The following PRMT8 variants were observed in gnomAD, a reference collection of about 807,000 sequenced individuals.
PRMT8 encodes the protein protein arginine methyltransferase 8.
Under a neutral mutation model 47.1 loss-of-function variants are expected in PRMT8, and 7 were observed. The ratio of observed to expected loss-of-function variants is 0.15; its 90% CI spans 0.08 to 0.28. PRMT8 has a LOEUF of 0.28. PRMT8 is among the 10% of genes least tolerant of loss of function. The probability of loss-of-function intolerance (pLI) is 1.00; values close to 1 mark genes in which losing one functional copy is unlikely to be tolerated. For synonymous variants in PRMT8, 188 were observed against 186.5 expected, an observed-to-expected ratio of 1.01 and a Z score of -0.07; for missense variants, 237 against 505.4, an observed-to-expected ratio of 0.47 and a Z score of 5.09.
chr12:3,490,553 G>A (rs942817241), upstream of PRMT8, among the ~76,000 whole-genome samples: 2 of 150,256 alleles, frequency 1.3e-5, no homozygotes, highest in African/African-American at 4.9e-5. Context: ...GAGTGGGGGG[G>A]GGGGCACTGC....
chr12:3,469,394 G>A (rs546015803), intron 1 of PRMT8: 2 of 264,106 alleles, frequency 7.6e-6, no homozygotes, highest in South Asian at 4.2e-5. Flanking sequence ...GGAGCAAAAA[G>A]AGCTTCCAGT....
At chr12:3,471,015 TGGTGACACGTGTCTAAA>T (rs1664065615) in intron 1 of PRMT8, among the ~76,000 whole-genome samples, 1 of 152,088 alleles carries the variant, frequency 6.6e-6, no homozygotes, top group African/African-American at 2.4e-5. Flanking sequence ...AATGAAGAGA[TGGTGACACGTGTCTAAA>T]GCTCTAGGGG....
intron 1 of PRMT8, among the ~76,000 whole-genome samples, chr12:3,422,212 T>G (rs1864549499): frequency 6.6e-6 from 1 of 152,226 alleles, no homozygotes; most frequent in Admixed American, 6.5e-5. Flanking sequence ...TGCTTGTTAT[T>G]TCCCACCAGC....
intron 1 of PRMT8, among the ~76,000 whole-genome samples, chr12:3,403,960 A>G (rs1198668581): frequency 1.3e-5 from 2 of 151,998 alleles, no homozygotes; most frequent in Non-Finnish European, 2.9e-5. Flanking sequence ...ACATGAAAAC[A>G]TATTTGTAAT....
intron 1 of PRMT8, among the ~76,000 whole-genome samples, chr12:3,525,215 CTG>C (rs1360172354): frequency 6.6e-6 from 1 of 151,776 alleles, no homozygotes; most frequent in Non-Finnish European, 1.5e-5. Context: ...GAGTGAGACT[CTG>C]TCTCAAAAAA....
intron 1 of PRMT8, among the ~76,000 whole-genome samples, chr12:3,481,078 G>C (rs564277627): frequency 1.3e-5 from 2 of 152,278 alleles, no homozygotes; most frequent in South Asian, 4.1e-4. Flanking sequence ...TTTGATAAAC[G>C]CTACTATCTG....
At chr12:3,458,483 C>T (rs1270748425) in intron 1 of PRMT8, among the ~76,000 whole-genome samples, 5 of 152,210 alleles carry the variant, frequency 3.3e-5, no homozygotes, top group Admixed American at 6.5e-5. Flanking sequence ...GCCAGGGCCA[C>T]GCACCACAGG....
chr12:3,448,729 A>AATTTT (rs539739163), intron 1 of PRMT8, among the ~76,000 whole-genome samples: 4 of 152,138 alleles, frequency 2.6e-5, no homozygotes, highest in African/African-American at 9.7e-5. Flanking sequence ...TCTTTTTAAA[A>AATTTT]ATTTTATTTT....
At chr12:3,548,847 T>C (rs1165040355) in intron 2 of PRMT8, among the ~76,000 whole-genome samples, 1 of 152,096 alleles carries the variant, frequency 6.6e-6, no homozygotes, top group Non-Finnish European at 1.5e-5. Context: ...CCAAGGGAAA[T>C]GAAAACATAT....
In PRMT8 at chr12:3,492,102, A is replaced by G. The variant is rs1175162871; in HGVS notation, c.75+402A>G. ...GGCTTTGTGCAGAGCTGGGGTGGGT[A>G]ATCCTGGGGCCAGGTCTGCCCCCTG... On this transcript the variant is annotated intron_variant, in intron 1 of 9. Coordinates refer to ENST00000382622, the MANE Select transcript of PRMT8 (RefSeq NM_019854.5). The surrounding 1 kb of genome is among the most constrained non-coding windows in gnomAD (Gnocchi z 7.5). 1.3e-5 allele frequency among the ~76,000 whole-genome samples: 2 copies of G among 151,578 alleles called. No individual in the cohort carries two copies. Among genetic ancestry groups the G allele is most frequent in the Non-Finnish European group, 2.9e-5 (2 of 67,864 alleles).
chr12:3,572,026 C>T lies in PRMT8; in HGVS notation c.712+2462C>T, dbSNP rs991995364. Among the ~76,000 whole-genome samples, 1 of 152,128 alleles carries T rather than the reference C, an allele frequency of 6.6e-6. No homozygotes were observed. The highest frequency in any genetic ancestry group is 2.4e-5 in the African/African-American group (1 of 41,418). On this transcript the variant is annotated intron_variant, in intron 6 of 9. Coordinates refer to ENST00000382622, the MANE Select transcript of PRMT8 (RefSeq NM_019854.5). The surrounding 1 kb of genome is among the most constrained non-coding windows in gnomAD (Gnocchi z 5.9). ...AGTTGTTAGAGGGAGAGCTTTCTTT[C>T]CTTTCCTCTCCTTTCCTTTTCTTTT...
intron 4 of PRMT8, 118 bp downstream of exon 4, chr12:3,553,832 C>A: frequency 1.1e-6 from 1 of 933,680 alleles, no homozygotes; most frequent in Non-Finnish European, 1.7e-6. Flanking sequence ...AGGTGGTGCA[C>A]CCAGCTGAGG....
chr12:3,514,221 T>G lies in PRMT8; in HGVS notation c.75+22521T>G, dbSNP rs1391758655. ...CTGAATTCATCCTGCCTTTTTTTTT[T>G]TTTTCTGTTACCCCTAAGGTGCTCT... On this transcript the variant is annotated intron_variant, in intron 1 of 9. Coordinates refer to ENST00000382622, the MANE Select transcript of PRMT8 (RefSeq NM_019854.5). The surrounding 1 kb of genome is among the most constrained non-coding windows in gnomAD (Gnocchi z 5.9). 1.3e-5 allele frequency among the ~76,000 whole-genome samples: 2 copies of G among 152,058 alleles called. No individual in the cohort carries two copies. The highest frequency in any genetic ancestry group is 6.5e-5 in the Admixed American group (1 of 15,272).
upstream of PRMT8, chr12:3,491,129 G>A: frequency 1.0e-6 from 1 of 984,952 alleles, no homozygotes; most frequent in Non-Finnish European, 1.2e-6. Context: ...AGCCGCCGCC[G>A]GCTCCAGCGA....
chr12:3,464,022 G>A (rs60574285), intron 1 of PRMT8, among the ~76,000 whole-genome samples: 3,053 of 152,264 alleles, frequency 0.02, 104 homozygotes, highest in African/African-American at 0.069. Context: ...GATACGGGGC[G>A]GAGGGAGCCT....
chr12:3,582,961 G>T, intron 7 of PRMT8, 97 bp from the exon 8 acceptor site: 1 of 1,428,378 alleles, frequency 7.0e-7, no homozygotes, highest in South Asian at 1.4e-5. Context: ...TCAGAGAGCT[G>T]ACAGACCACA....
At chr12:3,391,321 G>A (rs561023509) in intron 1 of PRMT8, among the ~76,000 whole-genome samples, 18 of 152,316 alleles carry the variant, frequency 1.2e-4, no homozygotes, top group Admixed American at 1.1e-3. Context: ...AGGTAGATAT[G>A]AAGGATCAGG....
At chr12:3,586,646 T>C (rs1867181188) in intron 8 of PRMT8, among the ~76,000 whole-genome samples, 1 of 152,134 alleles carries the variant, frequency 6.6e-6, no homozygotes, top group South Asian at 2.1e-4. Flanking sequence ...TCAGAAACTC[T>C]GGGGGTGGGG....
At chr12:3,470,998 G>T (rs1865156079) in intron 1 of PRMT8, among the ~76,000 whole-genome samples, 1 of 152,216 alleles carries the variant, frequency 6.6e-6, no homozygotes, top group African/African-American at 2.4e-5. Context: ...GGAAGCTGGG[G>T]GTTGAAAATG....
Sources: allele counts gnomAD v4.1 joint callset (sites outside exome capture counted in the v4.1 genomes callset), GRCh38; gene constraint gnomAD v4.1.1; non-coding constraint Gnocchi (gnomAD v3.1); transcripts MANE v1.5; gene names NCBI Gene and HGNC (gene_info 2026-07-23, HGNC 2026-07-21).